ABCD4: variants seen among roughly 807,000 people sequenced by gnomAD.
The protein encoded by ABCD4 is ATP binding cassette subfamily D member 4, also known as lysosomal cobalamin transporter ABCD4.
A neutral mutation model predicts 86.3 loss-of-function variants in ABCD4; 53 were observed. That is an observed-to-expected ratio of 0.61 (90% CI 0.49 to 0.77). The LOEUF (loss-of-function observed/expected upper bound fraction) is 0.77. ABCD4 is among the 30% of genes least tolerant of loss of function. The pLI is 0.00. For synonymous variants in ABCD4, 328 were observed against 313.6 expected, an observed-to-expected ratio of 1.05 and a Z score of -0.49; for missense variants, 757 against 764.5, an observed-to-expected ratio of 0.99 and a Z score of 0.12.
In ABCD4 at chr14:74,298,024, A is replaced by G; in HGVS notation, c.331T>C (p.Trp111Arg). The change falls in exon 4 of 19, where the codon TGG (tryptophan) becomes CGG (arginine). Residue 111 changes from tryptophan (W) to arginine (R), a missense_variant. Transcript: ENST00000356924. Reference sequence around the variant, plus strand: ...AGGTGCTCAGTGAGGTCCTTCCTCCAGCTCACATACAGCAGGTTGCAGGTG... The same window carrying G: ...AGGTGCTCAGTGAGGTCCTTCCTCCGGCTCACATACAGCAGGTTGCAGGTG... ...QFTCNLLYVS[W>R]RKDLTEHLHR... 1 of 1,613,980 alleles carries G rather than the reference A, an allele frequency of 6.2e-7. No individual in the cohort carries two copies. Among genetic ancestry groups the G allele is most frequent in the Non-Finnish European group, 8.5e-7 (1 of 1,179,984 alleles).
chr14:74,290,852 T>C (rs1277941459), intron 11 of ABCD4, among the ~76,000 whole-genome samples: 1 of 152,038 alleles, frequency 6.6e-6, no homozygotes, highest in Non-Finnish European at 1.5e-5. Flanking sequence ...CCCATATTTT[T>C]AGTAGAGACA....
chr14:74,292,378 T>C lies in ABCD4; in HGVS notation c.1029-2A>G. 2 of 1,614,064 alleles carry C rather than the reference T, an allele frequency of 1.2e-6. No individual in the cohort carries two copies. The highest frequency in any genetic ancestry group is 1.7e-6 in the Non-Finnish European group (2 of 1,180,028). ...AGCGTCTCCCGAAGCTGCCCAATTC[T>C]GAACAAGAAAAGAAAATCTGAGGCA... On this transcript the variant is annotated splice_acceptor_variant, in intron 10 of 18. Transcript: ENST00000356924. LOFTEE classifies it high-confidence loss of function.
chr14:74,291,050 T>G (rs1299773390), intron 11 of ABCD4, among the ~76,000 whole-genome samples: 6 of 152,098 alleles, frequency 3.9e-5, no homozygotes, highest in East Asian at 1.9e-4. Flanking sequence ...ACTGGTGTCC[T>G]CTTAAGATAG....
rs373949463 is a variant in ABCD4, at chr14:74,295,205, GGACC to G, written c.669-11_669-8del. The G allele has an allele frequency of 1.3e-3, 2,135 of 1,614,202 alleles. 36 individuals carry two copies. In the South Asian group the frequency reaches 0.017, roughly 13 times the overall value. The stretch of plus-strand genomic sequence containing the variant: ...AATCTGCATGTGCTTGAACCTGGGC[GGACC>G]AAAGGGAAATGTGTGCTGACAACAG... On this transcript the variant is annotated splice_region_variant and splice_polypyrimidine_tract_variant and intron_variant, in intron 6 of 18. Transcript: ENST00000356924.
chr14:74,288,574 C>T (rs1450862122), intron 15 of ABCD4, 142 bp downstream of exon 15: 4 of 953,514 alleles, frequency 4.2e-6, no homozygotes, highest in Non-Finnish European at 6.4e-6. Flanking sequence ...CAACAGCACA[C>T]ACTGTCAACT....
chr14:74,296,547 T>A, intron 4 of ABCD4, 98 bp from the exon 5 acceptor site: 1 of 1,127,202 alleles, frequency 8.9e-7, no homozygotes, highest in Non-Finnish European at 1.3e-6. Flanking sequence ...TGACCTTGCC[T>A]CACAGTGCTG....
At chr14:74,301,602 C>T (rs1157295450) in intron 1 of ABCD4, among the ~76,000 whole-genome samples, 1 of 152,194 alleles carries the variant, frequency 6.6e-6, no homozygotes, top group African/African-American at 2.4e-5. Flanking sequence ...AGGCCGGGAG[C>T]AGTGGCTCAC....
rs1446557921 is a variant in ABCD4, at chr14:74,292,619, G to A, written c.960C>T (p.Leu320=). The change falls in exon 10 of 19, where the codon CTC becomes CTT. Residue 320 remains leucine (L), a synonymous_variant. Transcript: ENST00000356924. Reference sequence around the variant, plus strand: ...CGATGAGCTGGGTGAAGCAGCTGATGAGGTAGATGCACACAAAGGCATTCT... The same window carrying A: ...CGATGAGCTGGGTGAAGCAGCTGATAAGGTAGATGCACACAAAGGCATTCT... The part of the protein sequence containing the change: ...VSKNAFVCIY[L]ISCFTQLIDL... 6.2e-7 allele frequency: 1 copy of A among 1,613,350 alleles called. No homozygotes were observed. The highest frequency in any genetic ancestry group is 8.5e-7 in the Non-Finnish European group (1 of 1,179,832).
At chr14:74,289,725 TCTGACAGCCTC>T in intron 13 of ABCD4, 5 of 1,435,520 alleles carry the variant, frequency 3.5e-6, no homozygotes, top group Non-Finnish European at 4.5e-6. Flanking sequence ...GGGGGAACAG[TCTGACAGCCTC>T]CTGAGGGCAG....
In ABCD4 at chr14:74,299,547, C is replaced by T. The variant is rs766095850; in HGVS notation, c.285+1G>A. Reference sequence around the variant, plus strand: ...GACACAGAGAGAGGGAAAGATCTTACCGTGGAGTTCAGAACAATGAGCATG... The same window carrying T: ...GACACAGAGAGAGGGAAAGATCTTATCGTGGAGTTCAGAACAATGAGCATG... On this transcript the variant is annotated splice_donor_variant, in intron 3 of 18. Coordinates refer to ENST00000356924, the MANE Select transcript of ABCD4 (RefSeq NM_005050.4). LOFTEE classifies it high-confidence loss of function. The T allele has an allele frequency of 6.2e-7, 1 of 1,613,220 alleles. No homozygotes were observed. Among genetic ancestry groups the T allele is most frequent in the Non-Finnish European group, 8.5e-7 (1 of 1,179,460 alleles).
intron 11 of ABCD4, among the ~76,000 whole-genome samples, chr14:74,290,709 G>GA (rs2081278338): frequency 7.9e-6 from 1 of 126,600 alleles, no homozygotes; most frequent in Non-Finnish European, 1.6e-5. Context: ...TTTTTTGAGA[G>GA]AAAGTCTTGC....
At chr14:74,299,019 G>C (rs2083596779) in intron 3 of ABCD4, 1 of 155,984 alleles carries the variant, frequency 6.4e-6, no homozygotes, top group African/African-American at 2.4e-5. Flanking sequence ...TTTGGTGGAG[G>C]AGACACAAAG....
Position 74,295,931 on chromosome 14 carries a change from C to T in ABCD4, c.591G>A (p.Gly197=), listed in dbSNP as rs1300951382. ...PVSIFGYFIL[G]TVVNKTLMGP... ...CCATCAAAGTTTTGTTCACCACGGT[C>T]CCCAGGATGAAATACCCGAAGATGC... Residue 197 remains glycine (G), a synonymous_variant, in exon 6 of 19, where the codon GGG becomes GGA. Coordinates refer to ENST00000356924, the MANE Select transcript of ABCD4 (RefSeq NM_005050.4). 1 of 1,612,432 alleles carries T rather than the reference C, an allele frequency of 6.2e-7. No individual in the cohort carries two copies. Among genetic ancestry groups the T allele is most frequent in the East Asian group, 2.2e-5 (1 of 44,844 alleles).
At chr14:74,288,794 A>G in intron 14 of ABCD4, 29 bp from the exon 15 acceptor site, 1 of 1,611,252 alleles carries the variant, frequency 6.2e-7, no homozygotes, top group Non-Finnish European at 8.5e-7. Context: ...TTCTGCAAAA[A>G]GCCAGAGCCT....
chr14:74,296,453 G>A lies in ABCD4; in HGVS notation c.426-4C>T, dbSNP rs765378243. On this transcript the variant is annotated splice_polypyrimidine_tract_variant and splice_region_variant and intron_variant, in intron 4 of 18. Transcript: ENST00000356924. The stretch of plus-strand genomic sequence containing the variant: ...GTCCTGGCTGATGCGCTGGTCCCTG[G>A]AGCCAATGACACAGAGTAGCTGGAC... 1.2e-6 allele frequency: 2 copies of A among 1,613,888 alleles called. No individual in the cohort carries two copies. The highest frequency in any genetic ancestry group is 1.7e-6 in the Non-Finnish European group (2 of 1,180,006).
At chr14:74,293,558 G>A (rs1409010798) in intron 7 of ABCD4, 1 of 267,938 alleles carries the variant, frequency 3.7e-6, no homozygotes, top group Non-Finnish European at 7.0e-6. Context: ...ATAAAATGGA[G>A]CCAATAATAC....
Position 74,288,758 on chromosome 14 carries a change from G to T in ABCD4, c.1464C>A (p.Ala488=), listed in dbSNP as rs772681992. 6.2e-7 allele frequency: 1 copy of T among 1,613,456 alleles called. No homozygotes were observed. The change falls in exon 15 of 19, where the codon GCC becomes GCA. Residue 488 remains alanine (A), a synonymous_variant. Coordinates refer to ENST00000356924, the MANE Select transcript of ABCD4 (RefSeq NM_005050.4). ...LKEVYPDSGS[A]DDERILRFLE... is the part of the protein sequence containing the mutation. ...AGAACCTCAAGATCCTCTCATCATC[G>T]GCAGAACCTGCACAACAAAGAAGCC...
chr14:74,287,781 G>A lies in ABCD4; in HGVS notation c.1636+29C>T, dbSNP rs772186255. 3.8e-6 allele frequency: 6 copies of A among 1,591,694 alleles called. No individual in the cohort carries two copies. The South Asian group carries it at 5.7e-5, about 15-fold the overall frequency. The stretch of plus-strand genomic sequence containing the variant: ...CACCCGTGAGTGCAGACAGCGCATG[G>A]CATGTGCAGCCACAAGGCGAGACCT... On this transcript the variant is annotated intron_variant, in intron 17 of 18. Coordinates refer to ENST00000356924, the MANE Select transcript of ABCD4 (RefSeq NM_005050.4).
rs752675015 is a variant in ABCD4 at position 74,292,292 on chromosome 14, C to T, written c.1113G>A (p.Leu371=). The T allele has an allele frequency of 1.2e-6, 2 of 1,614,010 alleles. No individual in the cohort carries two copies. Among genetic ancestry groups the T allele is most frequent in the Non-Finnish European group, 1.7e-6 (2 of 1,180,020 alleles). ...TCTGCCAGCCCGCTACTCACGTGTC[C>T]AAGCCCCACTCGCTCTCGCCCAGGA... ...CEILGESEWG[L]DTPPGWPAAE... The change falls in exon 11 of 19, where the codon TTG becomes TTA. Residue 371 remains leucine (L), a synonymous_variant. Coordinates refer to ENST00000356924, the MANE Select transcript of ABCD4 (RefSeq NM_005050.4).
Sources: gnomAD v4.1 joint callset for allele counts (sites outside exome capture counted in the v4.1 genomes callset) on GRCh38, gnomAD v4.1.1 for gene constraint, MANE v1.5 for transcripts, NCBI Gene and HGNC (gene_info 2026-07-23, HGNC 2026-07-21) for gene names.